Variants in ZNF66 observed in about 807,000 individuals in gnomAD.
ZNF66 encodes the protein zinc finger protein 66.
In ZNF66, 32 loss-of-function variants were observed where a neutral mutation model predicts 35.2. The ratio of observed to expected loss-of-function variants is 0.91; its 90% confidence interval spans 0.69 to 1.22. The LOEUF (loss-of-function observed/expected upper bound fraction) is 1.22. Among genes scored for constraint, ZNF66 ranks in the 50% most tolerant of loss-of-function variants. The pLI is 0.00. For synonymous variants in ZNF66, 231 were observed against 181.3 expected (o/e 1.27, Z -2.20); for missense variants, 666 against 543.1 (o/e 1.23, Z -2.25).
rs1250900401 is a variant in ZNF66 at position 20,791,661 on chromosome 19, A to G, written c.4-851A>G. 3.9e-5 allele frequency among the ~76,000 whole-genome samples: 6 copies of G among 152,240 alleles called. No homozygotes were observed. The East Asian group carries it at 1.2e-3, about 29-fold the overall frequency. On this transcript the variant is annotated intron_variant, in intron 1 of 3. Transcript: ENST00000344519. ...GAGGTATCTGTATTTTGAGGTTTGC[A>G]TAAAACTGATGATTCTTTTTGATTA...
rs582295 is a variant in ZNF66, at chr19:20,808,163, C to T, written c.*841C>T. Among the ~76,000 whole-genome samples the T allele has an allele frequency of 0.071, 10,822 of 152,238 alleles. 484 individuals carry two copies. Among genetic ancestry groups the T allele is most frequent in the Middle Eastern group, 0.11 (33 of 294 alleles). On this transcript the variant is annotated 3_prime_UTR_variant, in exon 4 of 4. Coordinates refer to ENST00000344519, the MANE Select transcript of ZNF66 (RefSeq NM_001355197.2). ...GGCAGCAGCGAGGCTGGGGGAGGAG[C>T]GCCTGCCATTGCCCAGGCTTGCTTA...
At chr19:20,795,253 C>T (rs1311523074) in intron 3 of ZNF66, among the ~76,000 whole-genome samples, 1 of 152,012 alleles carries the variant, frequency 6.6e-6, no homozygotes, top group Non-Finnish European at 1.5e-5. Flanking sequence ...TGACAATGGA[C>T]ACAATATAGT....
At chr19:20,779,603 C>G (rs59179004) in intron 1 of ZNF66, among the ~76,000 whole-genome samples, 2 of 151,822 alleles carry the variant, frequency 1.3e-5, no homozygotes, top group African/African-American at 4.8e-5. Context: ...CTGAGGCAGT[C>G]GGATCACCTG....
chr19:20,804,329 C>T (rs1971478948), intron 3 of ZNF66, among the ~76,000 whole-genome samples: 3 of 152,022 alleles, frequency 2.0e-5, no homozygotes, highest in Middle Eastern at 3.2e-3. Flanking sequence ...CTGCAACCTC[C>T]ATCTCCCAGG....
In ZNF66 at chr19:20,806,845, T is replaced by TA; in HGVS notation, c.1247dup (p.Arg417GlufsTer12). 1 of 1,353,102 alleles carries TA rather than the reference T, an allele frequency of 7.4e-7. No individual in the cohort carries two copies. The highest frequency in any genetic ancestry group is 1.1e-6 in the Non-Finnish European group (1 of 944,644). 83.8% of individuals were successfully genotyped at this position (1,353,102 alleles called of 1,614,324 possible). A position where few individuals can be genotyped will look rare whatever the true frequency, so the allele number is the denominator to read the frequency against. On this transcript the variant is annotated frameshift_variant, in exon 4 of 4. Transcript: ENST00000344519. LOFTEE classifies it high-confidence loss of function. Reference sequence around the variant, plus strand: ...AGCACTCCTCTCCCCTTTCTAAACATAAGAGAATTCATACTGGAGAGAAAC... The same window carrying TA: ...AGCACTCCTCTCCCCTTTCTAAACATAAAGAGAATTCATACTGGAGAGAAAC...
intron 1 of ZNF66, among the ~76,000 whole-genome samples, chr19:20,783,339 T>C (rs1971260796): frequency 6.6e-6 from 1 of 152,236 alleles, no homozygotes; most frequent in Non-Finnish European, 1.5e-5. Context: ...AAAACAAATT[T>C]TGCTATTCTG....
intron 2 of ZNF66, 129 bp downstream of exon 2, chr19:20,792,767 A>G: frequency 1.6e-6 from 1 of 630,082 alleles, no homozygotes; most frequent in Non-Finnish European, 2.5e-6. Context: ...AAATCTTCAG[A>G]ATTTGTTCAT....
intron 1 of ZNF66, among the ~76,000 whole-genome samples, chr19:20,777,720 G>T (rs554816317): frequency 6.6e-6 from 1 of 152,056 alleles, no homozygotes; most frequent in African/African-American, 2.4e-5. Context: ...CCACCTCATG[G>T]GTTCAAGCGA....
intron 3 of ZNF66, among the ~76,000 whole-genome samples, chr19:20,800,379 T>C (rs1418882782): frequency 6.6e-6 from 1 of 152,204 alleles, no homozygotes; most frequent in Non-Finnish European, 1.5e-5. Context: ...TATTGTGTAT[T>C]ATCTTGGTTT....
chr19:20,808,285 G>T lies in ZNF66; in HGVS notation c.*963G>T, dbSNP rs539288273. ...GCTCCACCTCTGGGGTCAGGGCACA[G>T]ACAAAAAGACAGCAGTAACCTCTGC... On this transcript the variant is annotated 3_prime_UTR_variant, in exon 4 of 4. Coordinates refer to ENST00000344519, the MANE Select transcript of ZNF66 (RefSeq NM_001355197.2). Among the ~76,000 whole-genome samples the T allele has an allele frequency of 6.6e-6, 1 of 152,212 alleles. No homozygotes were observed. The highest frequency in any genetic ancestry group is 1.5e-5 in the Non-Finnish European group (1 of 68,036).
chr19:20,795,279 G>C (rs953509406), intron 3 of ZNF66, among the ~76,000 whole-genome samples: 2 of 152,046 alleles, frequency 1.3e-5, no homozygotes, highest in Non-Finnish European at 2.9e-5. Context: ...ATTGGTGTCT[G>C]AATTTGATGG....
intron 3 of ZNF66, among the ~76,000 whole-genome samples, chr19:20,805,126 T>TGTGTGTGTGTGTGTGAGAGAGAGA (rs752355466): frequency 3.4e-5 from 5 of 145,984 alleles, no homozygotes; most frequent in African/African-American, 1.0e-4. Context: ...TGTGTGTGTG[T>TGTGTGTGTGTGTGTGAGAGAGAGA]GAGAGAGAGA....
At position 20,786,723 on chromosome 19, in the gene ZNF66, C is replaced by A. The variant is rs180817554; in HGVS notation, c.4-5789C>A. Among the ~76,000 whole-genome samples, 494 of 152,318 alleles carry A rather than the reference C, an allele frequency of 3.2e-3. 2 individuals carry two copies. Among genetic ancestry groups the A allele is most frequent in the Admixed American group, 8.0e-3 (122 of 15,294 alleles). On this transcript the variant is annotated intron_variant, in intron 1 of 3. Transcript: ENST00000344519. Reference sequence around the variant, plus strand: ...AACTGTTCCCTATTGGCACAAGTAGCTATAAATGACACTAATAATGCCACA... The same window carrying A: ...AACTGTTCCCTATTGGCACAAGTAGATATAAATGACACTAATAATGCCACA...
intron 3 of ZNF66, among the ~76,000 whole-genome samples, chr19:20,804,613 C>G (rs1971482012): frequency 3.9e-5 from 6 of 152,126 alleles, no homozygotes; most frequent in Admixed American, 3.3e-4. Context: ...ACAATCTTCA[C>G]TCACTGATGG....
rs11667714 is a variant in ZNF66, at chr19:20,809,915, G to T, written c.*2593G>T. On this transcript the variant is annotated 3_prime_UTR_variant, in exon 4 of 4. Transcript: ENST00000344519. ...TGGATAAATAGTCAAGACCCATCAG[G>T]GTGCTGTATTCAGGAAACCCATCTC... Among the ~76,000 whole-genome samples, 14,143 of 151,994 alleles carry T rather than the reference G, an allele frequency of 0.093. 674 individuals are homozygous for T. Among genetic ancestry groups the T allele is most frequent in the Middle Eastern group, 0.11 (33 of 294 alleles).
chr19:20,795,488 C>T (rs1464448443), intron 3 of ZNF66, among the ~76,000 whole-genome samples: 2 of 151,826 alleles, frequency 1.3e-5, no homozygotes, highest in African/African-American at 4.8e-5. Context: ...CTGCCTCAGC[C>T]TCCCAAGTAG....
rs1971518502 is a variant in ZNF66 at position 20,806,792 on chromosome 19, A to C, written c.1192A>C (p.Lys398Gln). The C allele has an allele frequency of 9.1e-6, 12 of 1,314,258 alleles. No individual in the cohort carries two copies. The East Asian group carries it at 2.8e-4, about 30-fold the overall frequency. 81.4% of individuals were successfully genotyped at this position (1,314,258 alleles called of 1,614,324 possible). A position where few individuals can be genotyped will look rare whatever the true frequency, so the allele number is the denominator to read the frequency against. Residue 398 changes from lysine to glutamine, a missense_variant, in exon 4 of 4, where the codon AAA becomes CAA. Lys to Gln is a moderately conservative substitution (Grantham distance 53). Transcript: ENST00000344519. ...KIIHTGKKPY[K>Q]CEECGKVFKH... is the part of the protein sequence containing the mutation. Reference sequence around the variant, plus strand: ...AATTCATACTGGAAAGAAACCTTACAAATGTGAAGAATGTGGCAAAGTGTT... The same window carrying C: ...AATTCATACTGGAAAGAAACCTTACCAATGTGAAGAATGTGGCAAAGTGTT...
At chr19:20,776,620 T>C in intron 1 of ZNF66, 170 bp downstream of exon 1, 7 of 991,420 alleles carry the variant, frequency 7.1e-6, no homozygotes, top group Non-Finnish European at 1.1e-5. Flanking sequence ...CCCCCGGGCG[T>C]CCTGTCGCTT....
chr19:20,798,987 A>G (rs571042265), intron 3 of ZNF66: 2 of 151,202 alleles, frequency 1.3e-5, no homozygotes, highest in East Asian at 1.9e-4. Context: ...TGTATTTTCA[A>G]TTATGTCTTC....
Sources: gnomAD v4.1 joint callset for allele counts (sites outside exome capture counted in the v4.1 genomes callset) on GRCh38, gnomAD v4.1.1 for gene constraint, MANE v1.5 for transcripts, NCBI Gene and HGNC (gene_info 2026-07-23, HGNC 2026-07-21) for gene names.